Variants in ADAM19 observed in about 807,000 individuals in gnomAD.
ADAM19 encodes ADAM metallopeptidase domain 19, also known as disintegrin and metalloproteinase domain-containing protein 19.
A neutral mutation model predicts 114.7 loss-of-function variants in ADAM19; 65 were observed. The observed-to-expected ratio is 0.57, with a 90% CI of 0.46 to 0.70. The LOEUF is 0.70. ADAM19 is among the 30% of genes least tolerant of loss of function. The pLI, the probability that ADAM19 is intolerant of heterozygous loss-of-function variation, is 0.00. For missense variants in ADAM19, 1,063 were observed against 1,204.7 expected, an observed-to-expected ratio of 0.88 and a Z score of 1.74; for synonymous variants, 466 against 460.5, an observed-to-expected ratio of 1.01 and a Z score of -0.15.
Position 157,480,667 on chromosome 5 carries a change from G to C in ADAM19, c.*282C>G. 1 of 1,243,192 alleles carries C rather than the reference G, an allele frequency of 8.0e-7. No individual in the cohort carries two copies. The highest frequency in any genetic ancestry group is 1.0e-6 in the Non-Finnish European group (1 of 986,900). 77.0% of individuals were successfully genotyped at this position (1,243,192 alleles called of 1,614,324 possible). A position where few individuals can be genotyped will look rare whatever the true frequency, so the allele number is the denominator to read the frequency against. ...GCACCTCGGGGCTAGGAGTCTGGAG[G>C]AGAAGCTGCCAGTCACCCTCCTCAT... On this transcript the variant is annotated 3_prime_UTR_variant, in exon 23 of 23. Transcript: ENST00000257527.
chr5:157,544,380 C>A lies in ADAM19; in HGVS notation c.252-6389G>T, dbSNP rs142641624. On this transcript the variant is annotated intron_variant, in intron 3 of 22. Transcript: ENST00000257527. The stretch of plus-strand genomic sequence containing the variant: ...ACTCCCTTTCACCAACCACTTCCCA[C>A]GACATCTTCTCCCAGTCCGCACAAG... 2.0e-5 allele frequency among the ~76,000 whole-genome samples: 3 copies of A among 152,350 alleles called. No homozygotes were observed. The East Asian group carries it at 5.8e-4, about 29-fold the overall frequency.
intron 22 of ADAM19, chr5:157,481,265 T>C: frequency 1.7e-6 from 1 of 582,818 alleles, no homozygotes; most frequent in East Asian, 2.9e-5. Flanking sequence ...GTCCATAGTT[T>C]TCTCAATGCC....
intron 9 of ADAM19, 84 bp from the exon 10 acceptor site, chr5:157,507,224 G>A: frequency 1.4e-6 from 2 of 1,385,860 alleles, no homozygotes; most frequent in Non-Finnish European, 2.0e-6. Flanking sequence ...GGCCATCACG[G>A]GGTTCCCTGG....
chr5:157,483,024 C>T (rs1478813757), intron 21 of ADAM19, among the ~76,000 whole-genome samples: 1 of 151,818 alleles, frequency 6.6e-6, no homozygotes, highest in African/African-American at 2.4e-5. Context: ...AACACATGGA[C>T]ACAGGGAGGG....
Position 157,509,314 on chromosome 5 carries a change from C to A in ADAM19, c.892G>T (p.Ala298Ser). The change falls in exon 9 of 23, where the codon GCC (alanine) becomes TCC (serine). Residue 298 changes from alanine to serine, a missense_variant. By Grantham distance (99) the Ala-to-Ser change is moderately conservative (BLOSUM62 1). Around this residue, in one of 3 missense-constraint regions of ADAM19, gnomAD observed 615 missense variants for 706.3 expected, o/e 0.87. Transcript: ENST00000257527. ...KLLAQKYHDN[A>S]QLITGMSFHG... ...AAGGCTATTTACGTGATTAATTGGG[C>A]GTTGTCATGGTACTTCTGGGCAAGC... is the stretch of plus-strand genomic sequence containing the variant. 2.5e-6 allele frequency: 4 copies of A among 1,608,168 alleles called. No homozygotes were observed. Among genetic ancestry groups the A allele is most frequent in the Non-Finnish European group, 3.4e-6 (4 of 1,176,554 alleles).
In ADAM19 at chr5:157,489,128, G is replaced by T. The variant is rs751789350; in HGVS notation, c.2299C>A (p.Leu767Met). The T allele has an allele frequency of 6.2e-7, 1 of 1,614,174 alleles. No individual in the cohort carries two copies. The highest frequency in any genetic ancestry group is 1.1e-5 in the South Asian group (1 of 91,082). The stretch of plus-strand genomic sequence containing the variant: ...TTTCGCTTGCCCTGGGGCGTCTGCA[G>T]CTTGAAAGTTGGGTTGGCATGACCA... Reference protein sequence around the residue: ...GTGHANPTFKLQTPQGKRKVI... With the variant: ...GTGHANPTFKMQTPQGKRKVI... The change falls in exon 20 of 23, where the codon CTG becomes ATG. Residue 767 changes from leucine (L) to methionine (M), a missense_variant. This residue lies in a region of ADAM19 where 424 missense variants were observed against 445.5 expected (regional missense o/e 0.95). Coordinates refer to ENST00000257527, the MANE Select transcript of ADAM19 (RefSeq NM_033274.5).
At chr5:157,496,703 A>C (rs1402034497) in intron 14 of ADAM19, among the ~76,000 whole-genome samples, 191 bp downstream of exon 14, 1 of 152,236 alleles carries the variant, frequency 6.6e-6, no homozygotes, top group Non-Finnish European at 1.5e-5. Context: ...GAGAAATAAA[A>C]GCATCAAGGG....
chr5:157,497,322 C>T (rs1755396555), intron 13 of ADAM19, among the ~76,000 whole-genome samples: 1 of 152,216 alleles, frequency 6.6e-6, no homozygotes, highest in Admixed American at 6.5e-5. Flanking sequence ...TCATAGAAGT[C>T]TTAAGAAAGA....
intron 12 of ADAM19, among the ~76,000 whole-genome samples, chr5:157,502,379 C>T (rs1163306509): frequency 6.6e-6 from 1 of 152,196 alleles, no homozygotes; most frequent in Non-Finnish European, 1.5e-5. Context: ...CATCATCTCT[C>T]CTCCAGCCTA....
intron 1 of ADAM19, among the ~76,000 whole-genome samples, chr5:157,571,637 T>C (rs879405118): frequency 3.3e-5 from 5 of 152,176 alleles, no homozygotes; most frequent in Non-Finnish European, 7.3e-5. Context: ...AAGATCACTC[T>C]GCCTGCGTGG....
At chr5:157,513,620 T>A in intron 7 of ADAM19, 115 bp from the exon 8 acceptor site, 1 of 935,986 alleles carries the variant, frequency 1.1e-6, no homozygotes, top group Non-Finnish European at 1.7e-6. Flanking sequence ...CTATGAGCCA[T>A]CATTTTTATG....
chr5:157,497,815 C>A (rs1039110179), intron 13 of ADAM19, among the ~76,000 whole-genome samples: 3 of 152,224 alleles, frequency 2.0e-5, no homozygotes, highest in Non-Finnish European at 4.4e-5. Context: ...AGTCTTACAG[C>A]CTCCCTGGGT....
intron 3 of ADAM19, among the ~76,000 whole-genome samples, chr5:157,546,316 G>A (rs766808811): frequency 2.6e-4 from 40 of 152,196 alleles, no homozygotes; most frequent in Non-Finnish European, 5.1e-4. Context: ...GCACGCACAC[G>A]TGTGTGCATG....
intron 3 of ADAM19, among the ~76,000 whole-genome samples, chr5:157,556,193 GTTTTTTTTTCTTTTTCTTTTTTTT>G (rs1561555549): frequency 8.4e-5 from 8 of 95,558 alleles, no homozygotes; most frequent in Admixed American, 3.2e-4. Context: ...TTTATAACCT[GTTTTTTTTTCTTTTTCTTTTTTTT>G]TTTTTTTTTT....
intron 3 of ADAM19, among the ~76,000 whole-genome samples, chr5:157,553,692 G>T (rs1425245148): frequency 6.6e-6 from 1 of 152,122 alleles, no homozygotes; most frequent in Non-Finnish European, 1.5e-5. Context: ...CAATCCTATT[G>T]CTAGGATTAT....
chr5:157,501,705 G>C (rs1755567385), intron 12 of ADAM19, among the ~76,000 whole-genome samples: 1 of 152,066 alleles, frequency 6.6e-6, no homozygotes, highest in Non-Finnish European at 1.5e-5. Flanking sequence ...ACTAGTTCTT[G>C]TTTTATTCTG....
rs1195788173 is a variant in ADAM19 at position 157,513,488 on chromosome 5, T to G, written c.684A>C (p.Arg228=). ...ADYLEFQKNR[R]DQDATKHKLI... ...GCTTGTGTTTGGTGGCGTCCTGGTC[T>G]CGTCGATTCTTCTGAAACTAAATGG... is the stretch of plus-strand genomic sequence containing the variant. The change falls in exon 8 of 23, where the codon CGA becomes CGC. Residue 228 remains arginine (R), a synonymous_variant. Transcript: ENST00000257527. The G allele has an allele frequency of 6.2e-7, 1 of 1,613,988 alleles. No individual in the cohort carries two copies. Among genetic ancestry groups the G allele is most frequent in the African/African-American group, 1.3e-5 (1 of 74,926 alleles).
Position 157,497,025 on chromosome 5 carries a change from G to A in ADAM19, c.1463C>T (p.Thr488Met), listed in dbSNP as rs200811359. Residue 488 changes from threonine (T) to methionine (M), a missense_variant, in exon 14 of 23, where the codon ACG (threonine) becomes ATG (methionine). Around this residue, in one of 3 missense-constraint regions of ADAM19, gnomAD observed 615 missense variants for 706.3 expected, o/e 0.87. Coordinates refer to ENST00000257527, the MANE Select transcript of ADAM19 (RefSeq NM_033274.5). ...GGTAGGGCAGTGGGGAGACTTGCCC[G>A]TACAGAACTCCGGGAGGTCACACTG... Reference protein sequence around the residue: ...ARQCDLPEFCTGKSPHCPTNF... With the variant: ...ARQCDLPEFCMGKSPHCPTNF... The A allele has an allele frequency of 9.5e-6, 15 of 1,585,046 alleles. No homozygotes were observed. The highest frequency in any genetic ancestry group is 2.4e-5 in the East Asian group (1 of 41,950).
At chr5:157,499,770 T>A in intron 12 of ADAM19, 108 bp from the exon 13 acceptor site, 3 of 548,442 alleles carry the variant, frequency 5.5e-6, no homozygotes, top group Admixed American at 3.5e-5. Flanking sequence ...CTAGCAACTA[T>A]CTCTTTTTTT....
Sources: gnomAD v4.1 joint callset for allele counts (sites outside exome capture counted in the v4.1 genomes callset) on GRCh38, gnomAD v4.1.1 for gene constraint, gnomAD v4.1.1 regional missense constraint, MANE v1.5 for transcripts, NCBI Gene and HGNC (gene_info 2026-07-23, HGNC 2026-07-21) for gene names.